Variants in JAK3 observed in about 807,000 individuals in gnomAD.
The protein encoded by JAK3 is tyrosine-protein kinase JAK3.
Under a neutral mutation model 120.8 loss-of-function variants are expected in JAK3, and 88 were observed. That is an observed-to-expected ratio of 0.73 (90% CI 0.61 to 0.87). JAK3 has a LOEUF of 0.87. Ranked by LOEUF, JAK3 falls within the 40% of genes least tolerant of loss-of-function variation. The pLI is 0.00. For missense variants in JAK3, 1,254 were observed against 1,501.4 expected (o/e 0.84, Z 2.72); for synonymous variants, 592 against 628.6 (o/e 0.94, Z 0.87).
At chr19:17,833,405 T>C (rs1419698618) in intron 17 of JAK3, among the ~76,000 whole-genome samples, 13 of 152,048 alleles carry the variant, frequency 8.5e-5, no homozygotes, top group Non-Finnish European at 1.3e-4. Flanking sequence ...GACACCCTCA[T>C]TGAATGAAGA....
Position 17,831,327 on chromosome 19 carries a change from T to C in JAK3, c.2879A>G (p.Glu960Gly). Residue 960 changes from glutamate (E) to glycine (G), a missense_variant, in exon 21 of 24, where the codon GAG becomes GGG. Around this residue, in one of 3 missense-constraint regions of JAK3, gnomAD observed 630 missense variants for 819.8 expected, o/e 0.77. Transcript: ENST00000458235. The surrounding 1 kb of genome is among the most constrained non-coding windows in gnomAD (Gnocchi z 5.1). ...GAAGTCAGCGATCTTGACGTGTGCCTCGCTCTCCACGAGGATGTTTCGGGC... is the reference window on the plus strand; with the variant it reads ...GAAGTCAGCGATCTTGACGTGTGCCCCGCTCTCCACGAGGATGTTTCGGGC... ...LAARNILVESEAHVKIADFGL... is the reference protein window; with the variant it reads ...LAARNILVESGAHVKIADFGL... The C allele has an allele frequency of 1.2e-6, 2 of 1,612,044 alleles. No homozygotes were observed. Among genetic ancestry groups the C allele is most frequent in the Non-Finnish European group, 1.7e-6 (2 of 1,179,814 alleles).
At position 17,826,919 on chromosome 19, in the gene JAK3, C is replaced by T. The variant is rs201379612; in HGVS notation, c.3208-9G>A. The stretch of plus-strand genomic sequence containing the variant: ...TTCATGAGCTCGTGAACCTGAGGGG[C>T]GGGGGACAGATAATGGGGTCGTGCC... On this transcript the variant is annotated splice_polypyrimidine_tract_variant and intron_variant, in intron 23 of 23. Coordinates refer to ENST00000458235, the MANE Select transcript of JAK3 (RefSeq NM_000215.4). 104 of 1,605,748 alleles carry T rather than the reference C, an allele frequency of 6.5e-5. No individual in the cohort carries two copies. Among genetic ancestry groups the T allele is most frequent in the Non-Finnish European group, 7.9e-5 (93 of 1,178,902 alleles).
At chr19:17,838,098 A>C in intron 11 of JAK3, 35 bp from the exon 12 acceptor site, 1 of 1,613,934 alleles carries the variant, frequency 6.2e-7, no homozygotes. Flanking sequence ...GAGGCCAGTG[A>C]GGGGGTTCCT....
rs3212780 is a variant in JAK3, at chr19:17,830,033, G to A, written c.3207+75C>T. On this transcript the variant is annotated intron_variant, in intron 23 of 23. Coordinates refer to ENST00000458235, the MANE Select transcript of JAK3 (RefSeq NM_000215.4). ...CCTTTCTTCTCAGTACAGAGACTCA[G>A]GCGCCAGCTGGCTTGCCCGAGACCC... 0.24 allele frequency: 256,886 copies of A among 1,056,466 alleles called. 34,324 individuals carry two copies. The highest frequency in any genetic ancestry group is 0.28 in the Non-Finnish European group (194,773 of 702,586). The allele number at this position is 1,056,466 out of a possible 1,614,324, so 65.4% of individuals were successfully genotyped here.
chr19:17,839,642 TA>T lies in JAK3; in HGVS notation c.1275del (p.Tyr425Ter). 6.2e-7 allele frequency: 1 copy of T among 1,611,028 alleles called. No homozygotes were observed. Among genetic ancestry groups the T allele is most frequent in the South Asian group, 1.1e-5 (1 of 90,070 alleles). On this transcript the variant is annotated frameshift_variant, in exon 10 of 24. Coordinates refer to ENST00000458235, the MANE Select transcript of JAK3 (RefSeq NM_000215.4). LOFTEE classifies it high-confidence loss of function. ...VCVQNPLGPDYKGCLIRRSPT... is the reference protein window; with the variant it reads ...VCVQNPLGPDXKGCLIRRSPT... ...GGGCTGCGCCGGATGAGGCAGCCCT[TA>T]TAATCAGGACCAAGGGGGTTCTGCA... is the stretch of plus-strand genomic sequence containing the variant.
chr19:17,826,817 C>T lies in JAK3; in HGVS notation c.3301G>A (p.Gly1101Arg), dbSNP rs747388225. Residue 1101 changes from glycine to arginine, a missense_variant, in exon 24 of 24, where the codon GGA (glycine) becomes AGA (arginine). Around this residue, in one of 3 missense-constraint regions of JAK3, gnomAD observed 630 missense variants for 819.8 expected, o/e 0.77. Coordinates refer to ENST00000458235, the MANE Select transcript of JAK3 (RefSeq NM_000215.4). The stretch of plus-strand genomic sequence containing the variant: ...GCATGAGTCTCACACCCCCGGCTTC[C>T]GCTCCACAGCATGTCCAGCTGGGGG... ...LGPQLDMLWS[G>R]SRGCETHAFT... 11 of 1,613,960 alleles carry T rather than the reference C, an allele frequency of 6.8e-6. No individual in the cohort carries two copies. The South Asian group carries it at 7.7e-5, about 11-fold the overall frequency.
Position 17,831,927 on chromosome 19 carries a change from C to G in JAK3, c.2681-129G>C. ...GCTGACTGTAATATGGGAACCGCAA[C>G]AATGACACATTGCTAATATCTCTTG... On this transcript the variant is annotated intron_variant, in intron 19 of 23. Transcript: ENST00000458235. The surrounding 1 kb of genome is among the most constrained non-coding windows in gnomAD (Gnocchi z 5.1). The G allele has an allele frequency of 9.3e-7, 1 of 1,079,998 alleles. No homozygotes were observed. Among genetic ancestry groups the G allele is most frequent in the Admixed American group, 1.9e-5 (1 of 51,928 alleles). 66.9% of individuals were successfully genotyped at this position (1,079,998 alleles called of 1,614,324 possible).
In JAK3 at chr19:17,832,670, C is replaced by A. The variant is rs775003661; in HGVS notation, c.2529G>T (p.Pro843=). The A allele has an allele frequency of 3.7e-6, 6 of 1,614,192 alleles. No homozygotes were observed. Among genetic ancestry groups the A allele is most frequent in the East Asian group, 2.2e-5 (1 of 44,886 alleles). Reference sequence around the variant, plus strand: ...CCAGGGCACCTGTATTGTCGCCTAGCGGGTCATAGCGGCACAGCTCCACGC... The same window carrying A: ...CCAGGGCACCTGTATTGTCGCCTAGAGGGTCATAGCGGCACAGCTCCACGC... ...FGSVELCRYD[P]LGDNTGALVA... The change falls in exon 19 of 24, where the codon CCG becomes CCT. Residue 843 remains proline (P), a synonymous_variant. Coordinates refer to ENST00000458235, the MANE Select transcript of JAK3 (RefSeq NM_000215.4). This position sits in a 1 kb window ranked among gnomAD's most constrained non-coding sequence, Gnocchi z 4.7.
intron 1 of JAK3, among the ~76,000 whole-genome samples, chr19:17,845,654 C>T (rs2094250494): frequency 6.6e-6 from 1 of 152,092 alleles, no homozygotes; most frequent in South Asian, 2.1e-4. Context: ...GAGGCTGAGA[C>T]AGGAGGATGC....
Position 17,827,046 on chromosome 19 carries a change from C to T in JAK3, c.3208-136G>A, listed in dbSNP as rs999606472. 9.6e-6 allele frequency: 9 copies of T among 937,738 alleles called. No individual in the cohort carries two copies. In the East Asian group the frequency reaches 2.1e-4, roughly 22 times the overall value. 58.1% of individuals were successfully genotyped at this position (937,738 alleles called of 1,614,324 possible). On this transcript the variant is annotated intron_variant, in intron 23 of 23. Transcript: ENST00000458235. The stretch of plus-strand genomic sequence containing the variant: ...CCAGGCTGGAGTGCAATGGCATGAT[C>T]TCGGCTCACTGCAACCTCCGCCTCC...
intron 8 of JAK3, 97 bp from the exon 9 acceptor site, chr19:17,840,438 C>A (rs1352883600): frequency 1.2e-5 from 10 of 820,692 alleles, no homozygotes; most frequent in Middle Eastern, 3.3e-4. Flanking sequence ...GCCCTGGGAT[C>A]CTTGCCAGGT....
rs2094244580 is a variant in JAK3 at position 17,843,304 on chromosome 19, A to G, written c.420+76T>C. 9 of 1,515,348 alleles carry G rather than the reference A, an allele frequency of 5.9e-6. No individual in the cohort carries two copies. The highest frequency in any genetic ancestry group is 1.8e-6 in the Non-Finnish European group (2 of 1,114,930). 93.9% of individuals were successfully genotyped at this position (1,515,348 alleles called of 1,614,324 possible). A position where few individuals can be genotyped will look rare whatever the true frequency, so the allele number is the denominator to read the frequency against. The stretch of plus-strand genomic sequence containing the variant: ...CACAGGGAGGGTCAGACGAGGCCCC[A>G]CCTGATTGCATGCCAGTCCTCATGT... On this transcript the variant is annotated intron_variant, in intron 4 of 23. Coordinates refer to ENST00000458235, the MANE Select transcript of JAK3 (RefSeq NM_000215.4). The surrounding 1 kb of genome is among the most constrained non-coding windows in gnomAD (Gnocchi z 5.4).
chr19:17,842,308 GC>G lies in JAK3; in HGVS notation c.861+7del. ...TTGGCCCCGCCCAGCGGGGGAGTCC[GC>G]CCTCACCTCCTGTTCTCCCTGGGTC... On this transcript the variant is annotated splice_region_variant and intron_variant, in intron 6 of 23. Transcript: ENST00000458235. This position sits in a 1 kb window ranked among gnomAD's most constrained non-coding sequence, Gnocchi z 6.4. The G allele has an allele frequency of 7.2e-7, 1 of 1,389,340 alleles. No homozygotes were observed. 86.1% of individuals were successfully genotyped at this position (1,389,340 alleles called of 1,614,324 possible).
chr19:17,845,732 G>C (rs1353136901), intron 1 of JAK3, among the ~76,000 whole-genome samples: 1 of 152,146 alleles, frequency 6.6e-6, no homozygotes, highest in Non-Finnish European at 1.5e-5. Context: ...CTGGGCGACA[G>C]AGCAAGACCT....
chr19:17,829,767 G>GA, intron 23 of JAK3: 2 of 462,768 alleles, frequency 4.3e-6, no homozygotes, highest in Non-Finnish European at 7.6e-6. Flanking sequence ...AAGAAAGAAA[G>GA]AAAGAAAAAA....
Position 17,837,230 on chromosome 19 carries a change from G to A in JAK3, c.1702-17C>T, listed in dbSNP as rs1217418136. 6.4e-7 allele frequency: 1 copy of A among 1,554,096 alleles called. No individual in the cohort carries two copies. The highest frequency in any genetic ancestry group is 1.2e-5 in the South Asian group (1 of 84,298). On this transcript the variant is annotated splice_polypyrimidine_tract_variant and intron_variant, in intron 12 of 23. Coordinates refer to ENST00000458235, the MANE Select transcript of JAK3 (RefSeq NM_000215.4). ...CAGGAATGACTGGGGAAGGTGGGAA[G>A]GGAGAGAAGATGCGTGGGTTTCTTC...
Position 17,843,188 on chromosome 19 carries a change from A to C in JAK3, c.421-16T>G. 1 of 1,598,844 alleles carries C rather than the reference A, an allele frequency of 6.3e-7. No individual in the cohort carries two copies. Among genetic ancestry groups the C allele is most frequent in the Non-Finnish European group, 8.5e-7 (1 of 1,175,584 alleles). ...CACTGCGGTGCTGGGGGGCCGCCAC[A>C]GGGAGCATCAGCTGAGGCCACCCAA... On this transcript the variant is annotated splice_polypyrimidine_tract_variant and intron_variant, in intron 4 of 23. Transcript: ENST00000458235. The surrounding 1 kb of genome is among the most constrained non-coding windows in gnomAD (Gnocchi z 5.4).
At position 17,840,607 on chromosome 19, in the gene JAK3, C is replaced by CA. The variant is rs11447311; in HGVS notation, c.1143-267dup. ...TGAAACCCCGTCGCTACTGAAAATA[C>CA]AAAAAAATAGCCGGGCGTGGTGGCG... is the stretch of plus-strand genomic sequence containing the variant. On this transcript the variant is annotated intron_variant, in intron 8 of 23. Coordinates refer to ENST00000458235, the MANE Select transcript of JAK3 (RefSeq NM_000215.4). 0.019 allele frequency among the ~76,000 whole-genome samples: 2,809 copies of CA among 151,662 alleles called. 95 individuals are homozygous for CA. The highest frequency in any genetic ancestry group is 0.064 in the African/African-American group (2,657 of 41,366).
At chr19:17,830,083 C>T (rs1176778047) in intron 23 of JAK3, 25 bp downstream of exon 23, 2 of 1,530,940 alleles carry the variant, frequency 1.3e-6, no homozygotes, top group Non-Finnish European at 1.8e-6. Context: ...GACTGGGAAA[C>T]TGAGGCTAGC....
Sources: gnomAD v4.1 joint callset for allele counts (sites outside exome capture counted in the v4.1 genomes callset) on GRCh38, gnomAD v4.1.1 for gene constraint, gnomAD v4.1.1 regional missense constraint, Gnocchi (gnomAD v3.1) non-coding constraint, MANE v1.5 for transcripts, NCBI Gene and HGNC (gene_info 2026-07-23, HGNC 2026-07-21) for gene names.